Variants in TENM2 observed in about 807,000 individuals in gnomAD.
TENM2 encodes teneurin transmembrane protein 2, also known as teneurin-2.
TENM2 carries 52 observed loss-of-function variants against 245.2 expected under a neutral mutation model. The ratio of observed to expected loss-of-function variants is 0.21; its 90% CI spans 0.17 to 0.27. The LOEUF (loss-of-function observed/expected upper bound fraction) is 0.27, where lower values mean the gene tolerates loss of function less well. TENM2 is among the 10% of genes least tolerant of loss of function. The pLI is 1.00. For synonymous variants in TENM2, 1,363 were observed against 1,438.9 expected, an observed-to-expected ratio of 0.95 and a Z score of 1.19; for missense variants, 3,046 against 3,666.8, an observed-to-expected ratio of 0.83 and a Z score of 4.37.
intron 3 of TENM2, among the ~76,000 whole-genome samples, chr5:167,927,841 C>T (rs1449262915): frequency 6.6e-6 from 1 of 152,154 alleles, no homozygotes; most frequent in African/African-American, 2.4e-5. Context: ...GGCCCGGGTC[C>T]TGAGTGCCTG....
rs35451881 is a variant in TENM2 at position 167,342,507 on chromosome 5, CTTTTTTTTTTTTTTTTTT to C, written c.227-32677_227-32660del. On this transcript the variant is annotated intron_variant, in intron 1 of 28. Coordinates refer to ENST00000518659, the Ensembl canonical transcript of TENM2. ...CAGGTTTCTCAACTGTAAAGTTATTCTTTTTTTTTTTTTTTTTTTTTTTTTTTTTTTGAGACGGAGTCT... is the reference window on the plus strand; with the variant it reads ...CAGGTTTCTCAACTGTAAAGTTATTCTTTTTTTTTTTTTGAGACGGAGTCT... 4.3e-3 allele frequency among the ~76,000 whole-genome samples: 234 copies of C among 54,328 alleles called. 3 individuals carry two copies. The highest frequency in any genetic ancestry group is 0.017 in the African/African-American group (216 of 12,472). The allele number at this position is 54,328 out of a possible 152,430, so 35.6% of individuals were successfully genotyped here.
At chr5:167,029,619 A>G in the TENM2 span, among the ~76,000 whole-genome samples, 1 of 152,092 alleles carries the variant, frequency 6.6e-6, no homozygotes, top group Non-Finnish European at 1.5e-5. Flanking sequence ...TCTCGGTTTC[A>G]TCATCTCTAA....
At chr5:167,759,627 G>A (rs1170392665) in intron 2 of TENM2, among the ~76,000 whole-genome samples, 1 of 152,154 alleles carries the variant, frequency 6.6e-6, no homozygotes, top group Non-Finnish European at 1.5e-5. Context: ...ACAACATCAT[G>A]ATGGACAAGC....
the TENM2 span, among the ~76,000 whole-genome samples, chr5:166,979,661 G>C: frequency 6.6e-6 from 1 of 151,944 alleles, no homozygotes; most frequent in Admixed American, 6.6e-5. Context: ...CCTTGCGTTT[G>C]TGCAGTTTAC....
At chr5:167,632,896 C>T (rs1778968848) in intron 2 of TENM2, among the ~76,000 whole-genome samples, 1 of 152,058 alleles carries the variant, frequency 6.6e-6, no homozygotes, top group Non-Finnish European at 1.5e-5. Flanking sequence ...TGTTTTATTG[C>T]TTTAAAGTGT....
At chr5:168,162,995 G>A (rs1757889793) in intron 13 of TENM2, among the ~76,000 whole-genome samples, 1 of 152,210 alleles carries the variant, frequency 6.6e-6, no homozygotes, top group South Asian at 2.1e-4. Flanking sequence ...AGTGCCCATT[G>A]CCACATAAAG....
At chr5:167,396,263 G>C (rs1194327334) in intron 2 of TENM2, among the ~76,000 whole-genome samples, 2 of 151,984 alleles carry the variant, frequency 1.3e-5, no homozygotes, top group African/African-American at 4.8e-5. Flanking sequence ...ACATACAATA[G>C]AATATTATTC....
At chr5:167,102,332 GATAATA>G in the TENM2 span, among the ~76,000 whole-genome samples, 1 of 152,114 alleles carries the variant, frequency 6.6e-6, no homozygotes, top group African/African-American at 2.4e-5. Context: ...TAATACGTCT[GATAATA>G]ATAATAATCA....
chr5:168,178,136 G>T (rs1455774560), intron 13 of TENM2, among the ~76,000 whole-genome samples: 1 of 152,056 alleles, frequency 6.6e-6, no homozygotes, highest in Non-Finnish European at 1.5e-5. Context: ...CTCCCCTCAG[G>T]CGGAAAGTAA....
At chr5:167,074,729 T>C in the TENM2 span, among the ~76,000 whole-genome samples, 5 of 152,232 alleles carry the variant, frequency 3.3e-5, no homozygotes, top group Admixed American at 6.5e-5. Flanking sequence ...TACGTTTTCA[T>C]GGGTGCGCGG....
chr5:167,259,076 C>A, the TENM2 span, among the ~76,000 whole-genome samples: 1 of 152,238 alleles, frequency 6.6e-6, no homozygotes, highest in Non-Finnish European at 1.5e-5. Context: ...GATGGGACAG[C>A]AAATCTGTAT....
Position 167,958,390 on chromosome 5 carries a change from T to A in TENM2, c.947+5568T>A, listed in dbSNP as rs191820628. On this transcript the variant is annotated intron_variant, in intron 4 of 28. Coordinates refer to ENST00000518659, the Ensembl canonical transcript of TENM2. ...TATCTGTCTTTGCATGTGAGATAGG[T>A]CTCCTGAATACAGCACACTGATGGG... Among the ~76,000 whole-genome samples, 76 of 152,268 alleles carry A rather than the reference T, an allele frequency of 5.0e-4. No homozygotes were observed. In the East Asian group the frequency reaches 0.012, roughly 25 times the overall value.
intron 1 of TENM2, chr5:167,303,349 C>A (rs968669331): frequency 6.0e-5 from 9 of 150,780 alleles, no homozygotes; most frequent in Admixed American, 2.0e-4. Context: ...TGGGTGCAGG[C>A]GGGCTGAGTC....
chr5:168,066,788 C>T (rs954385746), intron 7 of TENM2, among the ~76,000 whole-genome samples: 3 of 152,140 alleles, frequency 2.0e-5, no homozygotes, highest in African/African-American at 7.2e-5. Flanking sequence ...TGTGCCTTGC[C>T]AGATATCTGA....
intron 13 of TENM2, among the ~76,000 whole-genome samples, chr5:168,172,347 C>T (rs1035874815): frequency 3.9e-5 from 6 of 152,202 alleles, no homozygotes. Context: ...ACGTGATGTC[C>T]AAAACCCTAA....
intron 1 of TENM2, among the ~76,000 whole-genome samples, chr5:167,330,882 C>T (rs1420918019): frequency 2.0e-5 from 3 of 152,042 alleles, no homozygotes; most frequent in Admixed American, 6.6e-5. Context: ...TTCTCTGATG[C>T]GTAGACATAA....
intron 3 of TENM2, among the ~76,000 whole-genome samples, chr5:167,926,444 G>A (rs1249382587): frequency 1.3e-5 from 2 of 152,144 alleles, no homozygotes; most frequent in East Asian, 1.9e-4. Context: ...TCTTAGCCAG[G>A]CAAGGTGGCT....
intron 4 of TENM2, among the ~76,000 whole-genome samples, chr5:167,967,917 G>A (rs960918018): frequency 4.6e-5 from 7 of 152,154 alleles, no homozygotes; most frequent in Admixed American, 1.3e-4. Context: ...TTGATGAAGC[G>A]CAAGTCCTTT....
intron 1 of TENM2, among the ~76,000 whole-genome samples, chr5:167,338,186 T>C (rs771953582): frequency 3.3e-5 from 5 of 152,214 alleles, no homozygotes; most frequent in African/African-American, 4.8e-5. Context: ...TTACAAAGTT[T>C]CTTATTATTG....
Sources: allele counts gnomAD v4.1 joint callset (sites outside exome capture counted in the v4.1 genomes callset), GRCh38; gene constraint gnomAD v4.1.1; transcripts MANE v1.5; gene names NCBI Gene and HGNC (gene_info 2026-07-23, HGNC 2026-07-21).